MAGI3: variants seen among roughly 807,000 people sequenced by gnomAD.
MAGI3 encodes membrane-associated guanylate kinase, WW and PDZ domain-containing protein 3.
In MAGI3, 43 loss-of-function variants were observed where a neutral mutation model predicts 121.8. The observed-to-expected ratio is 0.35, with a 90% CI of 0.28 to 0.46. The LOEUF (loss-of-function observed/expected upper bound fraction) is 0.46, where lower values mean the gene tolerates loss of function less well. Among genes scored for constraint, MAGI3 ranks in the 20% least tolerant of loss-of-function variants. The probability of loss-of-function intolerance (pLI) is 1.00; values close to 1 mark genes in which losing one functional copy is unlikely to be tolerated. For synonymous variants in MAGI3, 553 were observed against 639.3 expected, an observed-to-expected ratio of 0.86 and a Z score of 2.04; for missense variants, 1,547 against 1,797.3, an observed-to-expected ratio of 0.86 and a Z score of 2.52.
rs114841421 is a variant in MAGI3, at chr1:113,515,524, C to T, written c.317-33991C>T. 7.3e-3 allele frequency among the ~76,000 whole-genome samples: 1,106 copies of T among 152,182 alleles called. 18 individuals are homozygous for T. The highest frequency in any genetic ancestry group is 0.025 in the African/African-American group (1,054 of 41,540). ...AATTCTGTGCCAGTCAGCACACCAG[C>T]TTTTTACATGATTATCTCATTTAAT... On this transcript the variant is annotated intron_variant, in intron 1 of 20. Coordinates refer to ENST00000307546, the MANE Select transcript of MAGI3 (RefSeq NM_001142782.2).
chr1:113,538,732 G>T (rs1402530293), intron 1 of MAGI3, among the ~76,000 whole-genome samples: 2 of 152,140 alleles, frequency 1.3e-5, no homozygotes, highest in African/African-American at 4.8e-5. Context: ...TGTCTAGAAT[G>T]ATGATTTCCA....
chr1:113,391,436 G>A lies in MAGI3; in HGVS notation c.316+87G>A. The A allele has an allele frequency of 7.2e-7, 1 of 1,397,416 alleles. No homozygotes were observed. The allele number at this position is 1,397,416 out of a possible 1,614,324, so 86.6% of individuals were successfully genotyped here. On this transcript the variant is annotated intron_variant, in intron 1 of 20. Coordinates refer to ENST00000307546, the MANE Select transcript of MAGI3 (RefSeq NM_001142782.2). This position sits in a 1 kb window ranked among gnomAD's most constrained non-coding sequence, Gnocchi z 4.4. ...CTGGGAGCGGCGGCACCTCCCCACC[G>A]CGTATTGTCCCGGGTAATCTTAGAC...
intron 2 of MAGI3, chr1:113,576,863 G>C (rs1190524312): frequency 6.6e-6 from 1 of 152,102 alleles, no homozygotes; most frequent in Non-Finnish European, 1.5e-5. Flanking sequence ...GAATAGTATG[G>C]CTTTAAAGAA....
At chr1:113,508,218 A>C (rs1657438377) in intron 1 of MAGI3, among the ~76,000 whole-genome samples, 1 of 152,234 alleles carries the variant, frequency 6.6e-6, no homozygotes, top group Non-Finnish European at 1.5e-5. Flanking sequence ...AAAAGAAAAG[A>C]AACATGGTAT....
intron 1 of MAGI3, among the ~76,000 whole-genome samples, chr1:113,434,312 GT>G (rs1653452529): frequency 6.6e-6 from 1 of 152,152 alleles, no homozygotes; most frequent in South Asian, 2.1e-4. Context: ...GCTCATGCCT[GT>G]AATCTCAACA....
intron 2 of MAGI3, among the ~76,000 whole-genome samples, chr1:113,557,487 T>C (rs1287862755): frequency 3.3e-5 from 5 of 152,040 alleles, no homozygotes; most frequent in Non-Finnish European, 7.4e-5. Context: ...CCGCTCCTCA[T>C]CTCAGCTGAT....
intron 1 of MAGI3, among the ~76,000 whole-genome samples, chr1:113,474,852 G>T (rs1655730900): frequency 6.6e-6 from 1 of 152,156 alleles, no homozygotes; most frequent in Non-Finnish European, 1.5e-5. Context: ...TTCACAATAT[G>T]GATTCTTCCT....
At chr1:113,410,772 G>A (rs1236796536) in intron 1 of MAGI3, among the ~76,000 whole-genome samples, 1 of 151,978 alleles carries the variant, frequency 6.6e-6, no homozygotes, top group Non-Finnish European at 1.5e-5. Context: ...AAACAATTAT[G>A]ATATCCCAGG....
chr1:113,560,595 ATC>A (rs1233254924), intron 2 of MAGI3, among the ~76,000 whole-genome samples: 1 of 152,190 alleles, frequency 6.6e-6, no homozygotes, highest in African/African-American at 2.4e-5. Context: ...ACACATCAGA[ATC>A]TCTGAGATAC....
At chr1:113,539,460 A>T (rs1659168871) in intron 1 of MAGI3, among the ~76,000 whole-genome samples, 1 of 151,836 alleles carries the variant, frequency 6.6e-6, no homozygotes, top group Non-Finnish European at 1.5e-5. Context: ...AGGTAATTAC[A>T]TCCTTTGATA....
At chr1:113,522,650 A>G (rs908098551) in intron 1 of MAGI3, among the ~76,000 whole-genome samples, 1 of 152,226 alleles carries the variant, frequency 6.6e-6, no homozygotes. Flanking sequence ...CACTTGATAA[A>G]TGTTATCTTC....
At chr1:113,584,607 C>G (rs1648242346) in intron 3 of MAGI3, among the ~76,000 whole-genome samples, 1 of 152,176 alleles carries the variant, frequency 6.6e-6, no homozygotes, top group South Asian at 2.1e-4. Context: ...TACCTACATA[C>G]TTCCTCATTT....
chr1:113,650,954 C>A, intron 13 of MAGI3, 60 bp from the exon 14 acceptor site: 1 of 1,473,072 alleles, frequency 6.8e-7, no homozygotes, highest in South Asian at 1.2e-5. Flanking sequence ...GTTAGGAATT[C>A]CTTAACTCTT....
chr1:113,504,339 A>G (rs1657202276), intron 1 of MAGI3, among the ~76,000 whole-genome samples: 1 of 152,176 alleles, frequency 6.6e-6, no homozygotes, highest in Non-Finnish European at 1.5e-5. Context: ...ATTTGTATCT[A>G]TAATATGGAA....
intron 2 of MAGI3, among the ~76,000 whole-genome samples, chr1:113,551,035 C>T (rs892024204): frequency 1.3e-5 from 2 of 151,150 alleles, no homozygotes; most frequent in Non-Finnish European, 2.9e-5. Context: ...TCCCTCCCTC[C>T]GTGGCTTCTT....
chr1:113,419,665 A>G (rs969167276), intron 1 of MAGI3, among the ~76,000 whole-genome samples: 9 of 152,128 alleles, frequency 5.9e-5, no homozygotes, highest in Admixed American at 5.9e-4. Flanking sequence ...GTGGTTGGAG[A>G]CATCTTTTTC....
At chr1:113,420,706 G>A (rs531166947) in intron 1 of MAGI3, among the ~76,000 whole-genome samples, 57 of 152,262 alleles carry the variant, frequency 3.7e-4, no homozygotes, top group South Asian at 2.9e-3. Flanking sequence ...CATAGCGTCC[G>A]TTCATCTGTG....
chr1:113,599,781 T>G (rs1374355203), intron 6 of MAGI3, among the ~76,000 whole-genome samples: 2 of 151,536 alleles, frequency 1.3e-5, no homozygotes, highest in Non-Finnish European at 2.9e-5. Flanking sequence ...AAGAGAATTT[T>G]AGACCAATAT....
At position 113,683,892 on chromosome 1, in the gene MAGI3, G is replaced by A. The variant is rs765449029; in HGVS notation, c.4324G>A (p.Gly1442Arg). ...GGCAGCTGACAAAAACAAAGAGACT[G>A]GAAGGTTCAAACCGGAAAGCAGTTC... is the stretch of plus-strand genomic sequence containing the variant. ...LEAADKNKET[G>R]RFKPESSSPV... Residue 1442 changes from glycine (G) to arginine (R), a missense_variant, in exon 21 of 21, where the codon GGA becomes AGA. Physicochemically the swap from Gly to Arg is moderately radical, Grantham distance 125 (BLOSUM62 -2). Transcript: ENST00000307546. The A allele has an allele frequency of 6.2e-7, 1 of 1,612,400 alleles. No individual in the cohort carries two copies. Among genetic ancestry groups the A allele is most frequent in the East Asian group, 2.2e-5 (1 of 44,852 alleles).
Sources: allele counts gnomAD v4.1 joint callset (sites outside exome capture counted in the v4.1 genomes callset), GRCh38; gene constraint gnomAD v4.1.1; non-coding constraint Gnocchi (gnomAD v3.1); transcripts MANE v1.5; gene names NCBI Gene and HGNC (gene_info 2026-07-23, HGNC 2026-07-21).